HPSE2: variants seen among roughly 807,000 people sequenced by gnomAD.
HPSE2 encodes heparanase 2 (inactive), also known as inactive heparanase-2.
A neutral mutation model predicts 60.5 loss-of-function variants in HPSE2; 38 were observed. The ratio of observed to expected loss-of-function variants is 0.63; its 90% CI spans 0.48 to 0.82. The LOEUF (loss-of-function observed/expected upper bound fraction) is 0.82, where lower values mean the gene tolerates loss of function less well. Ranked by LOEUF, HPSE2 falls within the 40% of genes least tolerant of loss-of-function variation. The probability of loss-of-function intolerance (pLI) is 0.00; values close to 1 mark genes in which losing one functional copy is unlikely to be tolerated. For missense variants in HPSE2, 713 were observed against 740.4 expected (o/e 0.96, Z 0.43); for synonymous variants, 295 against 293.2 (o/e 1.01, Z -0.06).
chr10:99,100,908 G>A (rs997808958), intron 3 of HPSE2, among the ~76,000 whole-genome samples: 4 of 152,258 alleles, frequency 2.6e-5, no homozygotes, highest in East Asian at 3.9e-4. Context: ...CATAAGTGAA[G>A]GAGAAATAAA....
chr10:99,029,986 C>T (rs1281473518), intron 3 of HPSE2, among the ~76,000 whole-genome samples: 1 of 152,204 alleles, frequency 6.6e-6, no homozygotes, highest in East Asian at 1.9e-4. Flanking sequence ...ACTGGTGTCA[C>T]CGCTAGACCA....
the HPSE2 span, among the ~76,000 whole-genome samples, chr10:99,246,463 G>C: frequency 1.1e-4 from 17 of 152,176 alleles, no homozygotes; most frequent in Admixed American, 1.1e-3. Context: ...AAATCAATTT[G>C]TGGCCGTGCG....
chr10:99,187,978 C>A (rs1330966395), intron 2 of HPSE2, among the ~76,000 whole-genome samples: 2 of 152,152 alleles, frequency 1.3e-5, no homozygotes, highest in Non-Finnish European at 2.9e-5. Context: ...CTGGAAACAA[C>A]CTAAATTTCC....
chr10:99,314,026 CACAGCCACCCCAACCTTCA>C, the HPSE2 span, among the ~76,000 whole-genome samples: 1 of 152,132 alleles, frequency 6.6e-6, no homozygotes, highest in Admixed American at 6.5e-5. Flanking sequence ...AAGAAATGTT[CACAGCCACCCCAACCTTCA>C]GCAGCCACCA....
chr10:98,631,451 C>T (rs575500025), intron 7 of HPSE2, among the ~76,000 whole-genome samples: 121 of 152,292 alleles, frequency 7.9e-4, no homozygotes, highest in Non-Finnish European at 1.3e-3. Context: ...AATTACTCTT[C>T]GTCTCTTTCC....
rs200389852 is a variant in HPSE2 at position 98,772,618 on chromosome 10, T to C, written c.611-28562A>G. On this transcript the variant is annotated intron_variant, in intron 3 of 11. Coordinates refer to ENST00000370552, the MANE Select transcript of HPSE2 (RefSeq NM_021828.5). ...CACCTGGAAACCCAAAGTATTATCA[T>C]GCCCTCCTTATTCCAGAGGAATTTA... Among the ~76,000 whole-genome samples, 18 of 152,322 alleles carry C rather than the reference T, an allele frequency of 1.2e-4. No homozygotes were observed. The East Asian group carries it at 3.5e-3, about 29-fold the overall frequency.
intron 5 of HPSE2, among the ~76,000 whole-genome samples, chr10:98,695,192 A>G (rs1316848265): frequency 1.3e-5 from 2 of 152,092 alleles, no homozygotes; most frequent in Non-Finnish European, 2.9e-5. Context: ...GAAGTTTATA[A>G]AAGGAGAGGA....
At chr10:99,013,631 C>T (rs1033088129) in intron 3 of HPSE2, 2 of 213,674 alleles carry the variant, frequency 9.4e-6, no homozygotes, top group African/African-American at 4.8e-5. Flanking sequence ...GCCACCATGC[C>T]CACCTAATTT....
At chr10:99,205,603 G>A (rs1350168738) in intron 2 of HPSE2, among the ~76,000 whole-genome samples, 1 of 151,966 alleles carries the variant, frequency 6.6e-6, no homozygotes, top group Non-Finnish European at 1.5e-5. Flanking sequence ...TCATTTTCTT[G>A]GATTTCATGT....
chr10:98,559,368 T>C (rs1292476527), intron 9 of HPSE2, among the ~76,000 whole-genome samples: 1 of 152,144 alleles, frequency 6.6e-6, no homozygotes, highest in Non-Finnish European at 1.5e-5. Context: ...GTCCCCAGGA[T>C]AGAGCTCACT....
At chr10:98,829,446 A>G (rs1951630250) in intron 3 of HPSE2, among the ~76,000 whole-genome samples, 1 of 151,948 alleles carries the variant, frequency 6.6e-6, no homozygotes, top group Non-Finnish European at 1.5e-5. Flanking sequence ...GCTTGAACCC[A>G]GGAGGTGGAG....
intron 6 of HPSE2, among the ~76,000 whole-genome samples, chr10:98,656,854 C>T (rs373732497): frequency 2.6e-5 from 4 of 151,502 alleles, no homozygotes; most frequent in Admixed American, 6.6e-5. Flanking sequence ...CTCCGTCTCC[C>T]GGATTCAAGT....
intron 3 of HPSE2, among the ~76,000 whole-genome samples, chr10:98,823,159 G>A (rs993525106): frequency 2.0e-5 from 3 of 152,172 alleles, no homozygotes; most frequent in African/African-American, 7.2e-5. Context: ...AAAGGTCAAG[G>A]AAACAGATTC....
chr10:98,500,829 G>T (rs1942005863), intron 9 of HPSE2, among the ~76,000 whole-genome samples: 1 of 151,682 alleles, frequency 6.6e-6, no homozygotes. Flanking sequence ...AAGAGAGAAA[G>T]TCTAAATAAC....
At chr10:98,840,055 G>A (rs1951875207) in intron 3 of HPSE2, among the ~76,000 whole-genome samples, 1 of 152,172 alleles carries the variant, frequency 6.6e-6, no homozygotes, top group African/African-American at 2.4e-5. Flanking sequence ...GAGAAATTCA[G>A]TGACTTGTCC....
At chr10:99,055,832 G>A (rs2135511368) in intron 3 of HPSE2, among the ~76,000 whole-genome samples, 1 of 152,168 alleles carries the variant, frequency 6.6e-6, no homozygotes, top group South Asian at 2.1e-4. Context: ...AGTGTTTGAA[G>A]AAGGGAACTT....
intron 9 of HPSE2, among the ~76,000 whole-genome samples, chr10:98,557,337 C>T (rs1414455575): frequency 6.6e-6 from 1 of 152,136 alleles, no homozygotes; most frequent in Non-Finnish European, 1.5e-5. Context: ...ATATGATCAT[C>T]TGATTGATGC....
chr10:98,480,517 G>T (rs1320044596), intron 11 of HPSE2, among the ~76,000 whole-genome samples: 1 of 152,168 alleles, frequency 6.6e-6, no homozygotes, highest in Non-Finnish European at 1.5e-5. Context: ...GGTATAGAAA[G>T]ACAGGGGTTA....
intron 3 of HPSE2, among the ~76,000 whole-genome samples, chr10:99,017,994 A>C (rs970883242): frequency 1.3e-5 from 2 of 152,168 alleles, no homozygotes; most frequent in Non-Finnish European, 2.9e-5. Flanking sequence ...AATAAAGAGG[A>C]AAAGTAAAAG....
Sources: gnomAD v4.1 joint callset for allele counts (sites outside exome capture counted in the v4.1 genomes callset) on GRCh38, gnomAD v4.1.1 for gene constraint, MANE v1.5 for transcripts, NCBI Gene and HGNC (gene_info 2026-07-23, HGNC 2026-07-21) for gene names.